The following EPS15L1 variants were observed in gnomAD, a reference collection of about 807,000 sequenced individuals.
EPS15L1 encodes epidermal growth factor receptor substrate 15-like 1.
EPS15L1 carries 43 observed loss-of-function variants against 117.1 expected under a neutral mutation model. That is an observed-to-expected ratio of 0.37 (90% confidence interval 0.29 to 0.47). The LOEUF (loss-of-function observed/expected upper bound fraction) is 0.47. Among genes scored for constraint, EPS15L1 ranks in the 20% least tolerant of loss-of-function variants. EPS15L1 has a pLI of 0.99. For missense variants in EPS15L1, 981 were observed against 1,164.0 expected, an observed-to-expected ratio of 0.84 and a Z score of 2.29; for synonymous variants, 459 against 470.5, an observed-to-expected ratio of 0.98 and a Z score of 0.32.
At chr19:16,401,244 A>G in intron 16 of EPS15L1, 1 of 985,572 alleles carries the variant, frequency 1.0e-6, no homozygotes, top group Non-Finnish European at 1.2e-6. Context: ...GCTCGCCAGC[A>G]GTGCCTTCCC....
chr19:16,418,170 C>G, intron 10 of EPS15L1, 66 bp from the exon 11 acceptor site: 5 of 1,521,796 alleles, frequency 3.3e-6, no homozygotes, highest in South Asian at 2.5e-5. Flanking sequence ...CCCAAGTCAC[C>G]GATCCCTTGC....
intron 20 of EPS15L1, among the ~76,000 whole-genome samples, chr19:16,385,679 G>A (rs548150992): frequency 8.5e-5 from 13 of 152,244 alleles, no homozygotes; most frequent in East Asian, 1.9e-4. Flanking sequence ...CCCGCCCCAC[G>A]CAAGCTGCAG....
intron 1 of EPS15L1, among the ~76,000 whole-genome samples, chr19:16,465,419 C>G (rs1011272346): frequency 1.3e-5 from 2 of 152,128 alleles, no homozygotes; most frequent in African/African-American, 2.4e-5. Context: ...AGTGGTGGCT[C>G]ACACCTGTAA....
chr19:16,383,177 GCTCTGTCCAA>G lies in EPS15L1; in HGVS notation c.2247+1942_2247+1951del, dbSNP rs1336158825. Reference sequence around the variant, plus strand: ...TAGTATTGGAGACCCATTTTCCACAGCTCTGTCCAACTCTGTCCTGGCCCGGCACCGCCAA... The same window carrying G: ...TAGTATTGGAGACCCATTTTCCACAGCTCTGTCCTGGCCCGGCACCGCCAA... On this transcript the variant is annotated intron_variant, in intron 21 of 23. Transcript: ENST00000455140. The surrounding 1 kb of genome is among the most constrained non-coding windows in gnomAD (Gnocchi z 5.2). 6.6e-6 allele frequency: 1 copy of G among 152,198 alleles called. No homozygotes were observed. The highest frequency in any genetic ancestry group is 2.4e-5 in the African/African-American group (1 of 41,436). 9.4% of individuals were successfully genotyped at this position (152,198 alleles called of 1,614,324 possible).
intron 1 of EPS15L1, chr19:16,443,343 G>A (rs1003947191): frequency 6.6e-6 from 1 of 152,210 alleles, no homozygotes; most frequent in African/African-American, 2.4e-5. Context: ...TCCAGTTATA[G>A]TCATTGGATT....
chr19:16,415,346 G>A (rs1215301392), intron 12 of EPS15L1, among the ~76,000 whole-genome samples: 1 of 152,176 alleles, frequency 6.6e-6, no homozygotes, highest in African/African-American at 2.4e-5. Context: ...ATAGCAGTAT[G>A]AATGGACTAA....
At chr19:16,364,697 G>T (rs1261444022) in intron 22 of EPS15L1, among the ~76,000 whole-genome samples, 2 of 152,208 alleles carry the variant, frequency 1.3e-5, no homozygotes, top group African/African-American at 4.8e-5. Flanking sequence ...GGCAGCTCTG[G>T]CGGGCGGGGG....
At chr19:16,386,095 T>C in intron 20 of EPS15L1, 76 bp downstream of exon 20, 1 of 1,130,852 alleles carries the variant, frequency 8.8e-7, no homozygotes, top group Non-Finnish European at 1.3e-6. Context: ...GCTTTGGGAG[T>C]GAAAGTGTTA....
At position 16,471,851 on chromosome 19, in the gene EPS15L1, G is replaced by A. The variant is rs1412718959; in HGVS notation, c.33+62C>T. 4 of 1,066,800 alleles carry A rather than the reference G, an allele frequency of 3.7e-6. No homozygotes were observed. The highest frequency in any genetic ancestry group is 4.9e-6 in the Non-Finnish European group (4 of 818,290). 66.1% of individuals were successfully genotyped at this position (1,066,800 alleles called of 1,614,324 possible). A position where few individuals can be genotyped will look rare whatever the true frequency, so the allele number is the denominator to read the frequency against. ...CTGAGTCTCCCAGCGCCTCAGCCTCGCCGCACCGCTCGCCTCGCGCCCCGC... is the reference window on the plus strand; with the variant it reads ...CTGAGTCTCCCAGCGCCTCAGCCTCACCGCACCGCTCGCCTCGCGCCCCGC... On this transcript the variant is annotated intron_variant, in intron 1 of 23. Transcript: ENST00000455140. This position sits in a 1 kb window ranked among gnomAD's most constrained non-coding sequence, Gnocchi z 4.8.
chr19:16,445,024 C>A (rs996049125), intron 1 of EPS15L1, among the ~76,000 whole-genome samples: 1 of 152,072 alleles, frequency 6.6e-6, no homozygotes, highest in African/African-American at 2.4e-5. Flanking sequence ...CAGCCCCAGG[C>A]GAGTTTTTTA....
At chr19:16,401,589 C>A (rs1568419810) in intron 16 of EPS15L1, 2 of 985,560 alleles carry the variant, frequency 2.0e-6, no homozygotes, top group East Asian at 2.3e-4. Flanking sequence ...TACATGTCCC[C>A]AGGTTCGAGG....
intron 12 of EPS15L1, among the ~76,000 whole-genome samples, chr19:16,417,070 A>T (rs72479521): frequency 0.024 from 3,665 of 152,288 alleles, 121 homozygotes; most frequent in Admixed American, 0.086. Flanking sequence ...CCTTCCTAGC[A>T]CTGGGGAGGG....
Position 16,392,452 on chromosome 19 carries a change from A to C in EPS15L1, c.1967-12T>G, listed in dbSNP as rs982391493. ...CCCTCCAAATGGATCTAGAAGGAAA[A>C]ATGCCCCATAAGTAAACATTATACC... On this transcript the variant is annotated splice_polypyrimidine_tract_variant and intron_variant, in intron 18 of 23. Coordinates refer to ENST00000455140, the MANE Select transcript of EPS15L1 (RefSeq NM_001258374.3). 2 of 1,613,328 alleles carry C rather than the reference A, an allele frequency of 1.2e-6. No homozygotes were observed. Among genetic ancestry groups the C allele is most frequent in the African/African-American group, 1.3e-5 (1 of 74,886 alleles).
At chr19:16,386,928 C>T (rs576230470) in intron 19 of EPS15L1, among the ~76,000 whole-genome samples, 4 of 152,348 alleles carry the variant, frequency 2.6e-5, no homozygotes, top group Non-Finnish European at 5.9e-5. Context: ...ACAGTCTCTA[C>T]ACAGAACGCT....
At chr19:16,441,340 C>T (rs140287915) in intron 3 of EPS15L1, 3,171 of 209,742 alleles carry the variant, frequency 0.015, 115 homozygotes, top group African/African-American at 0.069. Context: ...GGCGTGGTGG[C>T]AGGTGCCTGT....
rs549249129 is a variant in EPS15L1, at chr19:16,384,922, T to C, written c.2247+207A>G. On this transcript the variant is annotated intron_variant, in intron 21 of 23. Transcript: ENST00000455140. ...GGGAGCCAGGGGAGCCCAGGGCACC[T>C]ATGCCACTGGGAAGGGTCAGGGCTC... Among the ~76,000 whole-genome samples the C allele has an allele frequency of 2.0e-5, 3 of 152,302 alleles. No homozygotes were observed. In the South Asian group the frequency reaches 6.2e-4, roughly 32 times the overall value.
chr19:16,436,123 C>G (rs553929818), intron 6 of EPS15L1, among the ~76,000 whole-genome samples: 1 of 152,330 alleles, frequency 6.6e-6, no homozygotes, highest in African/African-American at 2.4e-5. Flanking sequence ...CCTCTCCCTG[C>G]ACAGATACCC....
chr19:16,454,779 C>T (rs766718107), intron 1 of EPS15L1, among the ~76,000 whole-genome samples: 1 of 151,868 alleles, frequency 6.6e-6, no homozygotes, highest in African/African-American at 2.4e-5. Flanking sequence ...CCAGGAAGGT[C>T]GTCAGAACAC....
rs746634534 is a variant in EPS15L1, at chr19:16,417,969, C to T, written c.1086G>A (p.Ser362=). ...QVLSPDMVPP[S]ERGTPGPDSS... is the part of the protein sequence containing the mutation. ...TCACCGGGCCGGGCGTGCCTCTCTCCGAAGGCGGGACCATGTCCGGCGAGA... is the reference window on the plus strand; with the variant it reads ...TCACCGGGCCGGGCGTGCCTCTCTCTGAAGGCGGGACCATGTCCGGCGAGA... The change falls in exon 11 of 24, where the codon TCG becomes TCA. Residue 362 remains serine (S), a synonymous_variant. Transcript: ENST00000455140. The T allele has an allele frequency of 6.2e-6, 10 of 1,613,808 alleles. No individual in the cohort carries two copies. The highest frequency in any genetic ancestry group is 3.3e-5 in the South Asian group (3 of 91,056).
Sources: gnomAD v4.1 joint callset for allele counts (sites outside exome capture counted in the v4.1 genomes callset) on GRCh38, gnomAD v4.1.1 for gene constraint, Gnocchi (gnomAD v3.1) non-coding constraint, MANE v1.5 for transcripts, NCBI Gene and HGNC (gene_info 2026-07-23, HGNC 2026-07-21) for gene names.